The following WDR27 variants were observed in gnomAD, a reference collection of about 807,000 sequenced individuals.
WDR27 encodes the protein WD repeat domain 27.
A neutral mutation model predicts 114.4 loss-of-function variants in WDR27; 100 were observed. The ratio of observed to expected loss-of-function variants is 0.87; its 90% CI spans 0.74 to 1.03. The LOEUF (loss-of-function observed/expected upper bound fraction) is 1.03, where lower values mean the gene tolerates loss of function less well. WDR27 is among the 50% of genes least tolerant of loss of function. WDR27 has a pLI of 0.00. For synonymous variants in WDR27, 449 were observed against 423.1 expected, an observed-to-expected ratio of 1.06 and a Z score of -0.75; for missense variants, 1,129 against 1,092.9, an observed-to-expected ratio of 1.03 and a Z score of -0.47.
Position 169,671,019 on chromosome 6 carries a change from C to G in WDR27, c.332-326G>C, listed in dbSNP as rs116507824. The G allele has an allele frequency of 3.0e-3, 695 of 228,472 alleles. 7 individuals are homozygous for G. The highest frequency in any genetic ancestry group is 0.015 in the African/African-American group (661 of 44,204). The allele number at this position is 228,472 out of a possible 1,614,324, so 14.2% of individuals were successfully genotyped here. The stretch of plus-strand genomic sequence containing the variant: ...TTCGATGCTTCTCACCCACATCCAA[C>G]CCCATGTCCACCCTCATGTATAGGT... On this transcript the variant is annotated intron_variant, in intron 3 of 25. Transcript: ENST00000448612.
chr6:169,478,562 G>GAA (rs145057081), intron 25 of WDR27, among the ~76,000 whole-genome samples: 2 of 145,612 alleles, frequency 1.4e-5, no homozygotes, highest in African/African-American at 5.0e-5. Context: ...AATGCCCAAA[G>GAA]AAAAAAAAAA....
chr6:169,595,058 T>C (rs1002751110), intron 23 of WDR27, among the ~76,000 whole-genome samples: 1 of 152,158 alleles, frequency 6.6e-6, no homozygotes, highest in African/African-American at 2.4e-5. Flanking sequence ...TCCAGCTATG[T>C]GGAAGGCTGG....
chr6:169,459,857 G>A (rs1017838526), intron 25 of WDR27, among the ~76,000 whole-genome samples: 4 of 152,048 alleles, frequency 2.6e-5, no homozygotes, highest in Non-Finnish European at 4.4e-5. Context: ...TCTTATACCA[G>A]CAAAGTTGCC....
chr6:169,657,390 G>A (rs192355295), intron 13 of WDR27, among the ~76,000 whole-genome samples: 11 of 152,332 alleles, frequency 7.2e-5, no homozygotes, highest in African/African-American at 2.2e-4. Flanking sequence ...ACGGACTGAC[G>A]CAGGAACCCT....
At chr6:169,651,387 AGAAAAGTCACATTTGCCTTT>A (rs1345567948) in intron 14 of WDR27, among the ~76,000 whole-genome samples, 57 of 152,084 alleles carry the variant, frequency 3.7e-4, no homozygotes, top group African/African-American at 1.4e-3. Flanking sequence ...CATTTTCTTC[AGAAAAGTCACATTTGCCTTT>A]GAGGAGTGGG....
chr6:169,466,633 A>G (rs1460109370), intron 25 of WDR27, among the ~76,000 whole-genome samples: 2 of 152,096 alleles, frequency 1.3e-5, no homozygotes, highest in Admixed American at 6.5e-5. Flanking sequence ...AGCCAAACCA[A>G]TCAAACAGCA....
intron 25 of WDR27, among the ~76,000 whole-genome samples, chr6:169,567,420 T>G (rs1800676475): frequency 6.6e-6 from 1 of 152,130 alleles, no homozygotes. Context: ...CCCAGTAAGA[T>G]GTCCTCAAGT....
intron 25 of WDR27, among the ~76,000 whole-genome samples, chr6:169,496,872 G>C (rs1790473660): frequency 6.6e-6 from 1 of 152,026 alleles, no homozygotes; most frequent in African/African-American, 2.4e-5. Flanking sequence ...TACCCAAAGT[G>C]CTCTACAGAT....
chr6:169,667,277 T>A, intron 5 of WDR27, 90 bp from the exon 6 acceptor site: 1 of 1,312,720 alleles, frequency 7.6e-7, no homozygotes, highest in Non-Finnish European at 9.7e-7. Context: ...ACTATCAGAT[T>A]AGTCAACACA....
At chr6:169,564,819 C>T (rs982361240) in intron 25 of WDR27, among the ~76,000 whole-genome samples, 6 of 151,876 alleles carry the variant, frequency 4.0e-5, no homozygotes, top group African/African-American at 1.2e-4. Context: ...GCCCCCATTC[C>T]GTCAGCTAGC....
chr6:169,458,975 CAGG>C (rs144116395), intron 25 of WDR27, among the ~76,000 whole-genome samples: 1,770 of 151,754 alleles, frequency 0.012, 38 homozygotes, highest in African/African-American at 0.041. Context: ...AAATCAAACC[CAGG>C]AGAAGGGGGA....
chr6:169,579,277 T>C (rs1279537566), intron 24 of WDR27, among the ~76,000 whole-genome samples: 1 of 152,230 alleles, frequency 6.6e-6, no homozygotes, highest in Non-Finnish European at 1.5e-5. Flanking sequence ...AGAGAGAGCC[T>C]TAAGCCATTT....
At chr6:169,677,904 G>A (rs532231860) in intron 2 of WDR27, among the ~76,000 whole-genome samples, 3 of 152,358 alleles carry the variant, frequency 2.0e-5, no homozygotes, top group South Asian at 2.1e-4. Context: ...GCCTGCGGGT[G>A]CACAGAGTAC....
At chr6:169,696,508 C>A (rs547427086) in intron 1 of WDR27, among the ~76,000 whole-genome samples, 34 of 152,150 alleles carry the variant, frequency 2.2e-4, no homozygotes, top group Non-Finnish European at 1.5e-5. Context: ...CCGATCAAAA[C>A]GGGTTTGGTG....
At chr6:169,544,287 C>T (rs1346425242) in intron 25 of WDR27, among the ~76,000 whole-genome samples, 1 of 151,874 alleles carries the variant, frequency 6.6e-6, no homozygotes, top group African/African-American at 2.4e-5. Context: ...AATAAACTGT[C>T]CCTATTTGCA....
intron 25 of WDR27, among the ~76,000 whole-genome samples, chr6:169,471,866 G>A (rs1328092712): frequency 4.6e-5 from 7 of 152,206 alleles, no homozygotes; most frequent in African/African-American, 1.4e-4. Flanking sequence ...CAGATTTGGT[G>A]TCTGGTGAGG....
intron 2 of WDR27, among the ~76,000 whole-genome samples, chr6:169,683,668 G>A (rs796192274): frequency 9.8e-5 from 15 of 152,316 alleles, no homozygotes; most frequent in African/African-American, 3.4e-4. Context: ...GAGGTACCTA[G>A]CCTCTGTAGC....
At chr6:169,696,614 T>C (rs969534896) in intron 1 of WDR27, among the ~76,000 whole-genome samples, 6 of 152,128 alleles carry the variant, frequency 3.9e-5, no homozygotes, top group Admixed American at 1.3e-4. Context: ...CCCCTTCATG[T>C]CTTAAAAACA....
chr6:169,502,885 A>C (rs16888074), intron 25 of WDR27, among the ~76,000 whole-genome samples: 53,980 of 152,082 alleles, frequency 0.35, 10,697 homozygotes, highest in African/African-American at 0.53. Flanking sequence ...AGATTCGAGT[A>C]GATGGATTTG....
Sources: allele counts gnomAD v4.1 joint callset (sites outside exome capture counted in the v4.1 genomes callset), GRCh38; gene constraint gnomAD v4.1.1; transcripts MANE v1.5; gene names NCBI Gene and HGNC (gene_info 2026-07-23, HGNC 2026-07-21).